The following GALNT13 variants were observed in gnomAD, a reference collection of about 807,000 sequenced individuals.
The protein encoded by GALNT13 is UDP-GalNAc:polypeptide N-acetylgalactosaminyltransferase 13.
GALNT13 carries 28 observed loss-of-function variants against 64.2 expected under a neutral mutation model. The observed-to-expected ratio is 0.44, with a 90% confidence interval of 0.32 to 0.60. The LOEUF is 0.60. Ranked by LOEUF, GALNT13 falls within the 20% of genes least tolerant of loss-of-function variation. The pLI is 0.05. For missense variants in GALNT13, 577 were observed against 669.8 expected, an observed-to-expected ratio of 0.86 and a Z score of 1.53; for synonymous variants, 214 against 224.6, an observed-to-expected ratio of 0.95 and a Z score of 0.42.
intron 4 of GALNT13, among the ~76,000 whole-genome samples, chr2:154,236,410 T>G (rs773665048): frequency 3.9e-5 from 6 of 152,110 alleles, no homozygotes; most frequent in Non-Finnish European, 8.8e-5. Flanking sequence ...TAATCAGAAT[T>G]TCTGTGACAG....
chr2:153,256,549 T>C, the GALNT13 span, among the ~76,000 whole-genome samples: 19 of 152,314 alleles, frequency 1.2e-4, no homozygotes, highest in African/African-American at 4.3e-4. Flanking sequence ...CGCTCTGCTT[T>C]TTAGAGTTTC....
chr2:153,954,544 A>C (rs897279503), intron 3 of GALNT13, among the ~76,000 whole-genome samples: 2 of 151,588 alleles, frequency 1.3e-5, no homozygotes, highest in African/African-American at 4.8e-5. Context: ...TAATGTCAGG[A>C]ATAACAATTA....
intron 3 of GALNT13, among the ~76,000 whole-genome samples, chr2:153,947,427 T>A (rs961824516): frequency 4.6e-5 from 7 of 151,920 alleles, no homozygotes; most frequent in African/African-American, 1.4e-4. Flanking sequence ...TTTAAAGTAA[T>A]GATCACTGAT....
chr2:154,168,500 G>T (rs1456481084), intron 4 of GALNT13, among the ~76,000 whole-genome samples: 3 of 151,970 alleles, frequency 2.0e-5, no homozygotes, highest in African/African-American at 4.8e-5. Flanking sequence ...TGGTCCATTA[G>T]TGTTGCTACA....
At chr2:153,783,373 A>T in the GALNT13 span, among the ~76,000 whole-genome samples, 1 of 151,896 alleles carries the variant, frequency 6.6e-6, no homozygotes, top group Non-Finnish European at 1.5e-5. Context: ...AAAATAAAAG[A>T]ATCATCTAAG....
At chr2:154,352,882 T>A (rs1696490959) in intron 9 of GALNT13, among the ~76,000 whole-genome samples, 4 of 152,166 alleles carry the variant, frequency 2.6e-5, no homozygotes. Flanking sequence ...ACTGGGACCA[T>A]CTCCTTTTGG....
chr2:153,441,469 T>G, the GALNT13 span, among the ~76,000 whole-genome samples: 3 of 152,234 alleles, frequency 2.0e-5, no homozygotes, highest in Non-Finnish European at 4.4e-5. Context: ...AAGTAGTGTT[T>G]TCTAATTCAG....
the GALNT13 span, among the ~76,000 whole-genome samples, chr2:153,712,927 G>A: frequency 1.2e-4 from 18 of 152,094 alleles, no homozygotes; most frequent in Admixed American, 9.2e-4. Flanking sequence ...GCCCCACCGG[G>A]GAATATTAAA....
chr2:153,871,110 TA>T (rs1339946377), upstream of GALNT13, among the ~76,000 whole-genome samples: 1 of 150,496 alleles, frequency 6.6e-6, no homozygotes, highest in African/African-American at 2.5e-5. Flanking sequence ...TACATGTATT[TA>T]AACTCAGTAC....
At chr2:154,428,177 A>C (rs1700551315) in intron 11 of GALNT13, among the ~76,000 whole-genome samples, 1 of 152,184 alleles carries the variant, frequency 6.6e-6, no homozygotes, top group South Asian at 2.1e-4. Context: ...CAATGACTAA[A>C]TAATGGGTGT....
intron 9 of GALNT13, among the ~76,000 whole-genome samples, chr2:154,325,508 A>G (rs1428089762): frequency 1.8e-4 from 27 of 152,078 alleles, no homozygotes; most frequent in Non-Finnish European, 4.4e-5. Context: ...CTCGGAACTG[A>G]GTTATATCAT....
At chr2:154,291,639 A>G (rs937366581) in intron 8 of GALNT13, among the ~76,000 whole-genome samples, 1 of 151,736 alleles carries the variant, frequency 6.6e-6, no homozygotes, top group Admixed American at 6.6e-5. Context: ...CGGCCGGCCC[A>G]CGGGTGCTGC....
chr2:153,548,140 T>C, the GALNT13 span, among the ~76,000 whole-genome samples: 1 of 152,210 alleles, frequency 6.6e-6, no homozygotes, highest in African/African-American at 2.4e-5. Context: ...GCATTGCCTT[T>C]CAAATTTTTC....
chr2:153,899,175 A>G (rs1344276481), intron 1 of GALNT13, among the ~76,000 whole-genome samples: 1 of 152,190 alleles, frequency 6.6e-6, no homozygotes, highest in African/African-American at 2.4e-5. Flanking sequence ...CCAGTTTTCA[A>G]TCTCTGCTCT....
chr2:153,177,996 T>G, the GALNT13 span, among the ~76,000 whole-genome samples: 1 of 152,156 alleles, frequency 6.6e-6, no homozygotes, highest in Non-Finnish European at 1.5e-5. Flanking sequence ...TTATTTCACT[T>G]AGGATGTTTC....
Position 154,242,799 on chromosome 2 carries a change from C to T in GALNT13, c.580C>T (p.Arg194Ter), listed in dbSNP as rs1018857509. The change falls in exon 6 of 13, where the codon CGA becomes TGA. Residue 194 changes from arginine to a stop codon, truncating the protein, a stop_gained. Transcript: ENST00000392825. LOFTEE classifies it high-confidence loss of function. ...CTCTGGGTTAATACGTGCCCGTCTT[C>T]GAGGAGCAGCTGCTTCAAAAGGGCA... ...ERSGLIRARLRGAAASKGQVI... is the reference protein window; with the variant it reads ...ERSGLIRARL 5.0e-6 allele frequency: 8 copies of T among 1,613,920 alleles called. No homozygotes were observed. The highest frequency in any genetic ancestry group is 1.7e-5 in the Admixed American group (1 of 59,994).
the GALNT13 span, among the ~76,000 whole-genome samples, chr2:153,779,177 C>CTT: frequency 6.7e-6 from 1 of 148,832 alleles, no homozygotes; most frequent in Non-Finnish European, 1.5e-5. Context: ...TATATCTTTC[C>CTT]TTTTTTTTTT....
chr2:153,444,572 A>G, the GALNT13 span, among the ~76,000 whole-genome samples: 1 of 152,214 alleles, frequency 6.6e-6, no homozygotes, highest in Non-Finnish European at 1.5e-5. Context: ...TAATTTTCAA[A>G]TCAGAGAAAA....
chr2:153,077,584 G>A, the GALNT13 span, among the ~76,000 whole-genome samples: 1 of 152,142 alleles, frequency 6.6e-6, no homozygotes, highest in African/African-American at 2.4e-5. Flanking sequence ...CTTACGACTA[G>A]CTGAGGTTAA....
Sources: allele counts gnomAD v4.1 joint callset (sites outside exome capture counted in the v4.1 genomes callset), GRCh38; gene constraint gnomAD v4.1.1; transcripts MANE v1.5; gene names NCBI Gene and HGNC (gene_info 2026-07-23, HGNC 2026-07-21).